Variants in FNIP2 observed in about 807,000 individuals in gnomAD.
FNIP2 encodes the protein folliculin interacting protein 2, also known as folliculin-interacting protein 2.
A neutral mutation model predicts 108.7 loss-of-function variants in FNIP2; 32 were observed. That is an observed-to-expected ratio of 0.29 (90% CI 0.22 to 0.40). The LOEUF (loss-of-function observed/expected upper bound fraction) is 0.40, where lower values mean the gene tolerates loss of function less well. Ranked by LOEUF, FNIP2 falls within the 10% of genes least tolerant of loss-of-function variation. FNIP2 has a pLI of 1.00. For missense variants in FNIP2, 1,202 were observed against 1,381.6 expected (o/e 0.87, Z 2.06); for synonymous variants, 480 against 496.7 (o/e 0.97, Z 0.45).
chr4:158,852,347 G>A (rs149070930), intron 8 of FNIP2, among the ~76,000 whole-genome samples: 34 of 152,286 alleles, frequency 2.2e-4, no homozygotes, highest in African/African-American at 7.9e-4. Context: ...GGCTTGCCTC[G>A]CTTCTGTTCC....
intron 12 of FNIP2, among the ~76,000 whole-genome samples, chr4:158,864,618 C>G (rs184611274): frequency 1.3e-5 from 2 of 152,240 alleles, no homozygotes; most frequent in East Asian, 3.9e-4. Flanking sequence ...AACCCCCTTT[C>G]TTTCACCATG....
At chr4:158,866,661 T>G (rs1472961091) in intron 12 of FNIP2, among the ~76,000 whole-genome samples, 4 of 152,014 alleles carry the variant, frequency 2.6e-5, no homozygotes, top group African/African-American at 9.7e-5. Context: ...CTGCAATGTC[T>G]GCCTCCCGGG....
chr4:158,810,771 G>A (rs1777226520), intron 1 of FNIP2, among the ~76,000 whole-genome samples: 1 of 152,232 alleles, frequency 6.6e-6, no homozygotes, highest in Admixed American at 6.5e-5. Flanking sequence ...CAGAATGACA[G>A]TGTTCCAGGC....
chr4:158,868,226 A>T lies in FNIP2; in HGVS notation c.1590A>T (p.Leu530=). The change falls in exon 13 of 17, where the codon CTA becomes CTT. Residue 530 remains leucine (L), a synonymous_variant. Transcript: ENST00000264433. This position sits in a 1 kb window ranked among gnomAD's most constrained non-coding sequence, Gnocchi z 4.6. ...VLTYFLRCSE[L]QENQLTWSGN... is the part of the protein sequence containing the mutation. ...CCTACTTTCTCCGTTGCTCTGAGCT[A>T]CAAGAGAACCAGCTGACCTGGAGTG... 6.2e-7 allele frequency: 1 copy of T among 1,614,076 alleles called. No homozygotes were observed. The highest frequency in any genetic ancestry group is 8.5e-7 in the Non-Finnish European group (1 of 1,179,888).
rs556136146 is a variant in FNIP2, at chr4:158,861,592, T to C, written c.1296-15T>C. The stretch of plus-strand genomic sequence containing the variant: ...TATTGACTAAGTTGGTTGTATCTTT[T>C]TCCATTTCTCCAAGGTTTTTTGCTG... On this transcript the variant is annotated splice_polypyrimidine_tract_variant and intron_variant, in intron 11 of 16. Transcript: ENST00000264433. 109 of 1,614,024 alleles carry C rather than the reference T, an allele frequency of 6.8e-5. No individual in the cohort carries two copies. The highest frequency in any genetic ancestry group is 1.3e-4 in the East Asian group (6 of 44,892).
At chr4:158,870,505 CAG>C (rs1459524163) in intron 14 of FNIP2, 36 bp downstream of exon 14, 2 of 1,571,408 alleles carry the variant, frequency 1.3e-6, no homozygotes, top group Admixed American at 1.9e-5. Context: ...TGGCTGCTGA[CAG>C]TGTGTCAGTC....
chr4:158,769,175 C>A lies in FNIP2; in HGVS notation c.-38C>A, dbSNP rs1274900684. The A allele has an allele frequency of 8.7e-7, 1 of 1,155,106 alleles. No individual in the cohort carries two copies. Among genetic ancestry groups the A allele is most frequent in the Non-Finnish European group, 1.1e-6 (1 of 911,686 alleles). The allele number at this position is 1,155,106 out of a possible 1,614,324, so 71.6% of individuals were successfully genotyped here. ...CCCGGCTGCGCGCTGAGCCGCCGGC[C>A]CCCCGAGCGCCACGGCCGGAGCTGC... On this transcript the variant is annotated 5_prime_UTR_variant, in exon 1 of 17. Coordinates refer to ENST00000264433, the MANE Select transcript of FNIP2 (RefSeq NM_020840.3).
chr4:158,773,839 G>A (rs1360442655), intron 1 of FNIP2, among the ~76,000 whole-genome samples: 1 of 152,172 alleles, frequency 6.6e-6, no homozygotes, highest in Non-Finnish European at 1.5e-5. Context: ...GTGACGGGGT[G>A]TCAGAAAGAT....
chr4:158,776,724 C>T (rs1775873977), intron 1 of FNIP2, among the ~76,000 whole-genome samples: 1 of 152,180 alleles, frequency 6.6e-6, no homozygotes, highest in Non-Finnish European at 1.5e-5. Context: ...TAAATCCTAG[C>T]CTTGCCATTG....
chr4:158,786,168 G>A (rs560944221), intron 1 of FNIP2, among the ~76,000 whole-genome samples: 10 of 152,218 alleles, frequency 6.6e-5, no homozygotes, highest in South Asian at 4.1e-4. Flanking sequence ...GACCAGTCTC[G>A]TCCGGATTAA....
intron 2 of FNIP2, among the ~76,000 whole-genome samples, chr4:158,827,640 C>G (rs1373859871): frequency 6.6e-6 from 1 of 152,140 alleles, no homozygotes; most frequent in African/African-American, 2.4e-5. Flanking sequence ...GTCACTTAGG[C>G]CCTCTGAGGG....
chr4:158,866,953 T>C (rs1169750449), intron 12 of FNIP2, among the ~76,000 whole-genome samples: 5 of 152,240 alleles, frequency 3.3e-5, no homozygotes, highest in Non-Finnish European at 7.3e-5. Context: ...TTGTCCATCT[T>C]CTTATCAAAT....
At chr4:158,863,290 A>G (rs1480369901) in intron 12 of FNIP2, among the ~76,000 whole-genome samples, 1 of 152,222 alleles carries the variant, frequency 6.6e-6, no homozygotes, top group Non-Finnish European at 1.5e-5. Flanking sequence ...TTTGCATTTT[A>G]TTGTTTTCAT....
chr4:158,832,018 C>T, intron 4 of FNIP2, 49 bp from the exon 5 acceptor site: 3 of 1,600,402 alleles, frequency 1.9e-6, no homozygotes, highest in South Asian at 1.1e-5. Flanking sequence ...GGTATTGACT[C>T]CTTAACTCAT....
intron 1 of FNIP2, among the ~76,000 whole-genome samples, chr4:158,778,358 TAGCTC>T (rs1490747601): frequency 6.6e-6 from 1 of 152,216 alleles, no homozygotes; most frequent in Non-Finnish European, 1.5e-5. Context: ...GCCTGTGAGT[TAGCTC>T]TGCTCTGCAA....
At chr4:158,897,071 G>C (rs575396670) in intron 16 of FNIP2, among the ~76,000 whole-genome samples, 1 of 150,708 alleles carries the variant, frequency 6.6e-6, no homozygotes, top group Non-Finnish European at 1.5e-5. Context: ...CAACTCCCAC[G>C]TATGAGGGAG....
intron 2 of FNIP2, among the ~76,000 whole-genome samples, chr4:158,828,406 G>A (rs1778274786): frequency 6.6e-6 from 1 of 152,192 alleles, no homozygotes; most frequent in African/African-American, 2.4e-5. Flanking sequence ...ACGAGGTCAA[G>A]AGATCAAGAC....
chr4:158,854,854 C>T (rs1295672611), intron 8 of FNIP2, among the ~76,000 whole-genome samples: 1 of 152,162 alleles, frequency 6.6e-6, no homozygotes, highest in South Asian at 2.1e-4. Flanking sequence ...GGTAAGACCC[C>T]TCCGAAATGG....
intron 1 of FNIP2, among the ~76,000 whole-genome samples, chr4:158,815,899 G>C (rs1777540342): frequency 6.6e-6 from 1 of 152,060 alleles, no homozygotes; most frequent in African/African-American, 2.4e-5. Flanking sequence ...ATTCTTTGCT[G>C]TGTCAGTATA....
Sources: allele counts gnomAD v4.1 joint callset (sites outside exome capture counted in the v4.1 genomes callset), GRCh38; gene constraint gnomAD v4.1.1; non-coding constraint Gnocchi (gnomAD v3.1); transcripts MANE v1.5; gene names NCBI Gene and HGNC (gene_info 2026-07-23, HGNC 2026-07-21).